The following GLI3 variants were observed in gnomAD, a reference collection of about 807,000 sequenced individuals.
The protein encoded by GLI3 is GLI family zinc finger 3, also known as transcription activator GLI3.
GLI3 carries 20 observed loss-of-function variants against 100.8 expected under a neutral mutation model. The observed-to-expected ratio is 0.20, with a 90% confidence interval of 0.14 to 0.29. GLI3 has a LOEUF of 0.29. Ranked by LOEUF, GLI3 falls within the 10% of genes least tolerant of loss-of-function variation. The pLI is 1.00. For missense variants in GLI3, 2,040 were observed against 2,128.5 expected, an observed-to-expected ratio of 0.96 and a Z score of 0.82; for synonymous variants, 938 against 860.5, an observed-to-expected ratio of 1.09 and a Z score of -1.58.
rs1004272257 is a variant in GLI3 at position 42,110,347 on chromosome 7, T to TTTCA, written c.368-33494_368-33491dup. On this transcript the variant is annotated intron_variant, in intron 3 of 14. Coordinates refer to ENST00000395925, the MANE Select transcript of GLI3 (RefSeq NM_000168.6). ...AAGGTGCATCTCCATTCATTCATAT[T>TTTCA]TTCATTCATTCATTCATTCAAACTT... is the stretch of plus-strand genomic sequence containing the variant. Among the ~76,000 whole-genome samples the TTTCA allele has an allele frequency of 8.0e-4, 122 of 152,352 alleles. 1 individual carries two copies. The highest frequency in any genetic ancestry group is 2.5e-3 in the African/African-American group (105 of 41,588).
At chr7:42,140,892 G>A (rs778020820) in intron 3 of GLI3, among the ~76,000 whole-genome samples, 2 of 152,168 alleles carry the variant, frequency 1.3e-5, no homozygotes, top group Non-Finnish European at 2.9e-5. Flanking sequence ...CTATGAAATG[G>A]CAAGAGTTGC....
chr7:42,107,825 G>A (rs1045925106), intron 3 of GLI3, among the ~76,000 whole-genome samples: 2 of 152,160 alleles, frequency 1.3e-5, no homozygotes, highest in South Asian at 2.1e-4. Flanking sequence ...TCAGCAACGC[G>A]ACCTGTGTTT....
chr7:42,197,764 A>G (rs1048757279), intron 2 of GLI3, among the ~76,000 whole-genome samples: 1 of 152,216 alleles, frequency 6.6e-6, no homozygotes, highest in African/African-American at 2.4e-5. Context: ...CTGCTCATGC[A>G]TTGAGACTGA....
At chr7:42,079,507 T>G (rs1180739022) in intron 3 of GLI3, among the ~76,000 whole-genome samples, 1 of 152,226 alleles carries the variant, frequency 6.6e-6, no homozygotes, top group African/African-American at 2.4e-5. Context: ...CAGCTATCAC[T>G]GCCAATGCAA....
intron 1 of GLI3, among the ~76,000 whole-genome samples, chr7:42,255,075 TG>T (rs765361204): frequency 5.5e-4 from 81 of 147,614 alleles, no homozygotes; most frequent in Middle Eastern, 3.5e-3. Context: ...TTTCTGTTTC[TG>T]TTTTTTTTTT....
chr7:42,056,316 G>C (rs928154164), intron 4 of GLI3, among the ~76,000 whole-genome samples: 1 of 152,158 alleles, frequency 6.6e-6, no homozygotes, highest in Admixed American at 6.5e-5. Context: ...AGAGCCTACA[G>C]TCAAATGAGG....
intron 3 of GLI3, among the ~76,000 whole-genome samples, chr7:42,137,929 C>G (rs1365512370): frequency 6.6e-6 from 1 of 152,176 alleles, no homozygotes; most frequent in Admixed American, 6.5e-5. Context: ...ATATCTCATT[C>G]TATATATGCA....
At chr7:42,014,026 T>C (rs1339964997) in intron 10 of GLI3, among the ~76,000 whole-genome samples, 1 of 152,122 alleles carries the variant, frequency 6.6e-6, no homozygotes, top group African/African-American at 2.4e-5. Context: ...ATCTCCAAAC[T>C]ATCCTCCCAA....
intron 3 of GLI3, among the ~76,000 whole-genome samples, chr7:42,107,257 G>C (rs1785597974): frequency 6.6e-6 from 1 of 151,430 alleles, no homozygotes; most frequent in Non-Finnish European, 1.5e-5. Context: ...CTTGAGCCCG[G>C]GAGGTCGGGG....
intron 3 of GLI3, among the ~76,000 whole-genome samples, chr7:42,101,955 A>G (rs867439384): frequency 6.7e-5 from 10 of 150,148 alleles, no homozygotes; most frequent in African/African-American, 2.2e-4. Flanking sequence ...TTGTTCTTGC[A>G]ATAGTTTACT....
chr7:42,101,359 G>C (rs1785456864), intron 3 of GLI3, among the ~76,000 whole-genome samples: 1 of 152,188 alleles, frequency 6.6e-6, no homozygotes, highest in South Asian at 2.1e-4. Context: ...CCAGCACTTT[G>C]GGAGGCTGAG....
At chr7:42,127,677 T>C (rs1442548220) in intron 3 of GLI3, among the ~76,000 whole-genome samples, 1 of 152,222 alleles carries the variant, frequency 6.6e-6, no homozygotes, top group Non-Finnish European at 1.5e-5. Context: ...TCATGATTTT[T>C]AAACAATGCA....
intron 1 of GLI3, among the ~76,000 whole-genome samples, chr7:42,232,027 T>A (rs1326953162): frequency 6.6e-6 from 1 of 151,286 alleles, no homozygotes; most frequent in Non-Finnish European, 1.5e-5. Context: ...CCCCCATTAC[T>A]TAATTAATTT....
At chr7:42,247,980 T>C (rs143745824) in intron 1 of GLI3, among the ~76,000 whole-genome samples, 1 of 152,358 alleles carries the variant, frequency 6.6e-6, no homozygotes, top group Non-Finnish European at 1.5e-5. Context: ...GGATCTCTGA[T>C]AGAAATATGT....
At chr7:42,181,806 G>A (rs1474549510) in intron 2 of GLI3, among the ~76,000 whole-genome samples, 3 of 152,064 alleles carry the variant, frequency 2.0e-5, no homozygotes, top group African/African-American at 4.8e-5. Flanking sequence ...ATACTCACAC[G>A]AAGGAACAAG....
chr7:42,021,010 C>T (rs1788925306), intron 10 of GLI3, among the ~76,000 whole-genome samples: 1 of 152,102 alleles, frequency 6.6e-6, no homozygotes, highest in Non-Finnish European at 1.5e-5. Context: ...ATACAAAGCA[C>T]CTACCTATTC....
intron 10 of GLI3, among the ~76,000 whole-genome samples, chr7:41,991,686 A>C (rs1479097312): frequency 6.6e-6 from 1 of 152,188 alleles, no homozygotes; most frequent in Admixed American, 6.5e-5. Flanking sequence ...CTGAGTCTAA[A>C]TAAGGTGAAT....
At chr7:42,244,102 G>A (rs1490067182) in intron 1 of GLI3, among the ~76,000 whole-genome samples, 12 of 152,136 alleles carry the variant, frequency 7.9e-5, no homozygotes, top group South Asian at 6.2e-4. Context: ...CCAAAGTGCT[G>A]GGATTACAGG....
intron 2 of GLI3, among the ~76,000 whole-genome samples, chr7:42,175,121 C>T (rs1265435821): frequency 6.6e-6 from 1 of 152,176 alleles, no homozygotes; most frequent in African/African-American, 2.4e-5. Flanking sequence ...CAAAAACACA[C>T]CACCTATGTG....
Sources: allele counts gnomAD v4.1 joint callset (sites outside exome capture counted in the v4.1 genomes callset), GRCh38; gene constraint gnomAD v4.1.1; transcripts MANE v1.5; gene names NCBI Gene and HGNC (gene_info 2026-07-23, HGNC 2026-07-21).